The following B3GAT1 variants were observed in gnomAD, a reference collection of about 807,000 sequenced individuals.
B3GAT1 encodes the protein beta-1,3-glucuronyltransferase 1.
Under a neutral mutation model 28.4 loss-of-function variants are expected in B3GAT1, and 11 were observed. The ratio of observed to expected loss-of-function variants is 0.39; its 90% confidence interval spans 0.24 to 0.64. The LOEUF is 0.64. Among genes scored for constraint, B3GAT1 ranks in the 30% least tolerant of loss-of-function variants. The pLI is 0.50. For synonymous variants in B3GAT1, 255 were observed against 223.1 expected, an observed-to-expected ratio of 1.14 and a Z score of -1.27; for missense variants, 375 against 491.0, an observed-to-expected ratio of 0.76 and a Z score of 2.23.
Position 134,380,529 on chromosome 11 carries a change from G to T in B3GAT1, c.*233C>A, listed in dbSNP as rs1251208300. Reference sequence around the variant, plus strand: ...CTGGACACCCCACCCTGGCCATCAGGTCTCTCGGGCCCTGGTCACGCTGGA... The same window carrying T: ...CTGGACACCCCACCCTGGCCATCAGTTCTCTCGGGCCCTGGTCACGCTGGA... On this transcript the variant is annotated 3_prime_UTR_variant, in exon 6 of 6. Transcript: ENST00000312527. The T allele has an allele frequency of 6.5e-6, 1 of 152,774 alleles. No individual in the cohort carries two copies. Among genetic ancestry groups the T allele is most frequent in the African/African-American group, 2.4e-5 (1 of 41,472 alleles). 9.5% of individuals were successfully genotyped at this position (152,774 alleles called of 1,614,324 possible). A position where few individuals can be genotyped will look rare whatever the true frequency, so the allele number is the denominator to read the frequency against.
chr11:134,394,501 G>C (rs1163584425), intron 1 of B3GAT1, among the ~76,000 whole-genome samples: 4 of 152,166 alleles, frequency 2.6e-5, no homozygotes, highest in African/African-American at 4.8e-5. Context: ...GGGCAACCCT[G>C]CTCCAGGGCC....
At position 134,379,358 on chromosome 11, in the gene B3GAT1, C is replaced by A. The variant is rs1301168009; in HGVS notation, c.*1404G>T. ...TAGGCTGGGGCCCTTTCCTTTTCCT[C>A]CACTTGGGGGGAAAATTGTGCTTCC... On this transcript the variant is annotated 3_prime_UTR_variant, in exon 6 of 6. Transcript: ENST00000312527. 3.9e-5 allele frequency: 6 copies of A among 152,418 alleles called. No homozygotes were observed. The highest frequency in any genetic ancestry group is 1.5e-4 in the African/African-American group (6 of 41,378). The allele number at this position is 152,418 out of a possible 1,614,324, so 9.4% of individuals were successfully genotyped here. A position where few individuals can be genotyped will look rare whatever the true frequency, so the allele number is the denominator to read the frequency against.
intron 1 of B3GAT1, among the ~76,000 whole-genome samples, chr11:134,404,564 G>A (rs1035166687): frequency 6.6e-6 from 1 of 152,174 alleles, no homozygotes; most frequent in Admixed American, 6.5e-5. Flanking sequence ...GAGCATTCAC[G>A]GCTGGGTTGG....
At chr11:134,403,879 C>G (rs11223783) in intron 1 of B3GAT1, among the ~76,000 whole-genome samples, 1,597 of 149,990 alleles carry the variant, frequency 0.011, 15 homozygotes, top group Non-Finnish European at 0.015. Flanking sequence ...TATGAGGTAT[C>G]CAGAGTAGTA....
Position 134,378,619 on chromosome 11 carries a change from C to A in B3GAT1, c.*2143G>T, listed in dbSNP as rs1202244379. The A allele has an allele frequency of 6.6e-6, 1 of 152,238 alleles. No individual in the cohort carries two copies. Among genetic ancestry groups the A allele is most frequent in the African/African-American group, 2.4e-5 (1 of 41,452 alleles). The allele number at this position is 152,238 out of a possible 1,614,324, so 9.4% of individuals were successfully genotyped here. A position where few individuals can be genotyped will look rare whatever the true frequency, so the allele number is the denominator to read the frequency against. On this transcript the variant is annotated 3_prime_UTR_variant, in exon 6 of 6. Coordinates refer to ENST00000312527, the MANE Select transcript of B3GAT1 (RefSeq NM_054025.3). ...TGCCACCCTCACCCCAGCCTCTGTT[C>A]TTAGAACTCCTAGCCCCTGGCCTCA... is the stretch of plus-strand genomic sequence containing the variant.
intron 1 of B3GAT1, among the ~76,000 whole-genome samples, chr11:134,408,176 G>C (rs923713550): frequency 6.6e-6 from 1 of 151,702 alleles, no homozygotes; most frequent in Non-Finnish European, 1.5e-5. Context: ...AGGGAGGTGG[G>C]ACAGCCTGCA....
At position 134,387,907 on chromosome 11, in the gene B3GAT1, G is replaced by C; in HGVS notation, c.-248C>G. On this transcript the variant is annotated 5_prime_UTR_variant, in exon 2 of 6. Coordinates refer to ENST00000312527, the MANE Select transcript of B3GAT1 (RefSeq NM_054025.3). Reference sequence around the variant, plus strand: ...GAGTCTGAGAAGGGGTCGCTGTCCAGGGGCAGGGGTCAGGAACCCTGGGGG... The same window carrying C: ...GAGTCTGAGAAGGGGTCGCTGTCCACGGGCAGGGGTCAGGAACCCTGGGGG... 1 of 1,491,854 alleles carries C rather than the reference G, an allele frequency of 6.7e-7. No homozygotes were observed. Among genetic ancestry groups the C allele is most frequent in the Admixed American group, 2.0e-5 (1 of 49,414 alleles). 92.4% of individuals were successfully genotyped at this position (1,491,854 alleles called of 1,614,324 possible).
chr11:134,396,040 C>T (rs921638441), intron 1 of B3GAT1, among the ~76,000 whole-genome samples: 4 of 152,174 alleles, frequency 2.6e-5, no homozygotes, highest in Admixed American at 6.5e-5. Flanking sequence ...CTTGCCACAT[C>T]GGTTTCTCCA....
chr11:134,410,170 G>A (rs76260416), intron 1 of B3GAT1, among the ~76,000 whole-genome samples: 94 of 152,352 alleles, frequency 6.2e-4, no homozygotes, highest in Non-Finnish European at 1.2e-3. Context: ...CTCCAATCCT[G>A]TTGCTGGAGC....
At chr11:134,384,239 C>G in intron 2 of B3GAT1, 51 bp from the exon 3 acceptor site, 1 of 1,503,668 alleles carries the variant, frequency 6.7e-7, no homozygotes, top group South Asian at 1.3e-5. Context: ...GGCTACGGCC[C>G]TGGATTCAGA....
intron 1 of B3GAT1, among the ~76,000 whole-genome samples, chr11:134,401,323 T>G (rs2136331442): frequency 6.6e-6 from 1 of 152,354 alleles, no homozygotes; most frequent in South Asian, 2.1e-4. Flanking sequence ...ACTGATGGAA[T>G]CAAGCTTGGT....
rs1263193507 is a variant in B3GAT1 at position 134,404,023 on chromosome 11, A to ATT, written c.-282+7783_-282+7784insAA. On this transcript the variant is annotated intron_variant, in intron 1 of 5. Transcript: ENST00000312527. ...TATATATATATATATATATATATAT[A>ATT]TATATATTTATTATACGTTAAGTTC... Among the ~76,000 whole-genome samples the ATT allele has an allele frequency of 2.4e-3, 272 of 112,416 alleles. 4 individuals are homozygous for ATT. Among genetic ancestry groups the ATT allele is most frequent in the African/African-American group, 9.2e-3 (258 of 28,034 alleles). The allele number at this position is 112,416 out of a possible 152,430, so 73.7% of individuals were successfully genotyped here.
Position 134,382,781 on chromosome 11 carries a change from G to C in B3GAT1, c.847C>G (p.Gln283Glu). Residue 283 changes from glutamine (Q) to glutamate (E), a missense_variant, in exon 4 of 6, where the codon CAG becomes GAG. By Grantham distance (29) the Gln-to-Glu change is conservative (BLOSUM62 2). Transcript: ENST00000312527. ...AGTTCTCGAAGGAGGCTGCTTTCCT[G>C]GTAGCCTCCCTTCACACCTCGCAGC... ...FKLRGVKGGY[Q>E]ESSLLRELVT... 1 of 1,614,198 alleles carries C rather than the reference G, an allele frequency of 6.2e-7. No homozygotes were observed. The highest frequency in any genetic ancestry group is 1.7e-5 in the Admixed American group (1 of 60,030).
Position 134,387,858 on chromosome 11 carries a change from G to C in B3GAT1, c.-199C>G, listed in dbSNP as rs1565452115. The C allele has an allele frequency of 6.6e-7, 1 of 1,526,336 alleles. No homozygotes were observed. Among genetic ancestry groups the C allele is most frequent in the East Asian group, 2.5e-5 (1 of 40,334 alleles). 94.5% of individuals were successfully genotyped at this position (1,526,336 alleles called of 1,614,324 possible). ...TCACAACCCACCCATTGCGGAAGCA[G>C]GTTTGGAGAGTCCGGCCCAACTGGA... On this transcript the variant is annotated 5_prime_UTR_variant, in exon 2 of 6. Coordinates refer to ENST00000312527, the MANE Select transcript of B3GAT1 (RefSeq NM_054025.3).
intron 1 of B3GAT1, among the ~76,000 whole-genome samples, chr11:134,402,607 C>T: frequency 6.6e-6 from 1 of 152,254 alleles, no homozygotes; most frequent in Middle Eastern, 3.4e-3. Context: ...GAAGAAGAAA[C>T]AATTAACATA....
At chr11:134,388,945 A>G (rs1416920426) in intron 1 of B3GAT1, 1 of 152,182 alleles carries the variant, frequency 6.6e-6, no homozygotes, top group Non-Finnish European at 1.5e-5. Context: ...TTTGTGAAAC[A>G]CTTTATTTTC....
rs1944876811 is a variant in B3GAT1 at position 134,412,218 on chromosome 11, G to C, written c.-693C>G. Among the ~76,000 whole-genome samples, 1 of 145,222 alleles carries C rather than the reference G, an allele frequency of 6.9e-6. No homozygotes were observed. The highest frequency in any genetic ancestry group is 1.5e-5 in the Non-Finnish European group (1 of 65,394). Reference sequence around the variant, plus strand: ...GCGCAGAGTCCCCGAGGTGGCGGCGGATGCGCCGGTGCCGCCGCGGCTCTG... The same window carrying C: ...GCGCAGAGTCCCCGAGGTGGCGGCGCATGCGCCGGTGCCGCCGCGGCTCTG... On this transcript the variant is annotated 5_prime_UTR_variant, in exon 1 of 6. It adds an upstream start codon to the 5' untranslated region. Transcript: ENST00000312527.
intron 1 of B3GAT1, among the ~76,000 whole-genome samples, chr11:134,406,012 T>A (rs1944724324): frequency 6.6e-6 from 1 of 152,210 alleles, no homozygotes; most frequent in Admixed American, 6.5e-5. Flanking sequence ...TGCAGCCCTG[T>A]CCCTCCTGTC....
chr11:134,403,868 C>A (rs948334751), intron 1 of B3GAT1, among the ~76,000 whole-genome samples: 2 of 151,004 alleles, frequency 1.3e-5, no homozygotes, highest in African/African-American at 4.9e-5. Flanking sequence ...GATTCAATTT[C>A]TATGAGGTAT....
Sources: allele counts gnomAD v4.1 joint callset (sites outside exome capture counted in the v4.1 genomes callset), GRCh38; gene constraint gnomAD v4.1.1; transcripts MANE v1.5; gene names NCBI Gene and HGNC (gene_info 2026-07-23, HGNC 2026-07-21).